Variants in DEK observed in about 807,000 individuals in gnomAD.
DEK encodes protein DEK.
DEK carries 28 observed loss-of-function variants against 46.8 expected under a neutral mutation model. The ratio of observed to expected loss-of-function variants is 0.60; its 90% CI spans 0.44 to 0.82. DEK has a LOEUF of 0.82. Among genes scored for constraint, DEK ranks in the 40% least tolerant of loss-of-function variants. DEK has a pLI of 0.00. For synonymous variants in DEK, 160 were observed against 144.5 expected, an observed-to-expected ratio of 1.11 and a Z score of -0.77; for missense variants, 416 against 430.6, an observed-to-expected ratio of 0.97 and a Z score of 0.30.
chr6:18,236,875 A>G (rs956851765), intron 8 of DEK, among the ~76,000 whole-genome samples: 2 of 152,116 alleles, frequency 1.3e-5, no homozygotes, highest in African/African-American at 4.8e-5. Context: ...CAGAGCACCA[A>G]CATGACACCA....
intron 7 of DEK, among the ~76,000 whole-genome samples, chr6:18,240,922 G>A (rs1790865183): frequency 6.6e-6 from 1 of 152,140 alleles, no homozygotes; most frequent in African/African-American, 2.4e-5. Context: ...CTACATTATA[G>A]TAGATACGAC....
At chr6:18,241,174 G>C (rs1356873493) in intron 7 of DEK, among the ~76,000 whole-genome samples, 1 of 152,080 alleles carries the variant, frequency 6.6e-6, no homozygotes, top group Non-Finnish European at 1.5e-5. Flanking sequence ...AAGGTTATTA[G>C]GTATAGGAGG....
chr6:18,227,822 T>C (rs1405446106), intron 9 of DEK, among the ~76,000 whole-genome samples: 1 of 152,196 alleles, frequency 6.6e-6, no homozygotes, highest in African/African-American at 2.4e-5. Context: ...AAGTGTCTTT[T>C]AGGGAAAACT....
intron 1 of DEK, 92 bp from the exon 2 acceptor site, chr6:18,264,088 G>A (rs1366400570): frequency 2.0e-5 from 24 of 1,208,512 alleles, no homozygotes; most frequent in Admixed American, 6.4e-5. Flanking sequence ...CCTTCCCGCG[G>A]GACACCTGCC....
intron 2 of DEK, among the ~76,000 whole-genome samples, chr6:18,259,158 C>G (rs576844817): frequency 6.6e-6 from 1 of 151,398 alleles, no homozygotes; most frequent in Non-Finnish European, 1.5e-5. Flanking sequence ...GTCAGGAGAT[C>G]GAGACCATCC....
intron 9 of DEK, among the ~76,000 whole-genome samples, chr6:18,233,170 C>T (rs537940138): frequency 2.0e-4 from 31 of 152,282 alleles, no homozygotes; most frequent in African/African-American, 7.2e-4. Context: ...GAAACTGGAT[C>T]GCTTCTTTAC....
chr6:18,228,497 A>C (rs1246792513), intron 9 of DEK, among the ~76,000 whole-genome samples: 1 of 152,006 alleles, frequency 6.6e-6, no homozygotes, highest in Non-Finnish European at 1.5e-5. Flanking sequence ...TACCAGGTTC[A>C]TCTCACTGGG....
In DEK at chr6:18,224,943, G is replaced by T; in HGVS notation, c.*776C>A. 1 of 214,782 alleles carries T rather than the reference G, an allele frequency of 4.7e-6. No homozygotes were observed. Among genetic ancestry groups the T allele is most frequent in the Non-Finnish European group, 9.4e-6 (1 of 106,082 alleles). 13.3% of individuals were successfully genotyped at this position (214,782 alleles called of 1,614,324 possible). A position where few individuals can be genotyped will look rare whatever the true frequency, so the allele number is the denominator to read the frequency against. ...AAAATTACAAATTGATGACACTTTCGAGGCAAAGCAGGGTAACTGTTCCTT... is the reference window on the plus strand; with the variant it reads ...AAAATTACAAATTGATGACACTTTCTAGGCAAAGCAGGGTAACTGTTCCTT... On this transcript the variant is annotated 3_prime_UTR_variant, in exon 11 of 11. Coordinates refer to ENST00000652689, the MANE Select transcript of DEK (RefSeq NM_003472.4).
At chr6:18,249,457 T>C (rs1791268610) in intron 7 of DEK, among the ~76,000 whole-genome samples, 194 bp downstream of exon 7, 1 of 152,218 alleles carries the variant, frequency 6.6e-6, no homozygotes, top group Non-Finnish European at 1.5e-5. Context: ...CACTCTTTTC[T>C]GACTCATACT....
Position 18,255,725 on chromosome 6 carries a change from C to T in DEK, c.573+6G>A, listed in dbSNP as rs764895448. 1.3e-6 allele frequency: 2 copies of T among 1,583,700 alleles called. No homozygotes were observed. Among genetic ancestry groups the T allele is most frequent in the East Asian group, 2.3e-5 (1 of 44,370 alleles). Reference sequence around the variant, plus strand: ...ATTTATGAAAAAAATAAAAATTGATCCTCACTTTGCCAGAAGGCTTTGGAT... The same window carrying T: ...ATTTATGAAAAAAATAAAAATTGATTCTCACTTTGCCAGAAGGCTTTGGAT... On this transcript the variant is annotated splice_donor_region_variant and intron_variant, in intron 6 of 10. Transcript: ENST00000652689.
At chr6:18,244,873 A>G (rs1328653359) in intron 7 of DEK, among the ~76,000 whole-genome samples, 2 of 152,236 alleles carry the variant, frequency 1.3e-5, no homozygotes, top group African/African-American at 2.4e-5. Flanking sequence ...CTAAAACACA[A>G]TGTGAAAGGA....
intron 7 of DEK, among the ~76,000 whole-genome samples, chr6:18,243,958 C>T (rs534908988): frequency 2.6e-5 from 4 of 152,204 alleles, no homozygotes; most frequent in East Asian, 1.9e-4. Context: ...CAGAGTAAGA[C>T]GTACGACTCT....
At chr6:18,256,549 C>G (rs1394988626) in intron 4 of DEK, 94 bp from the exon 5 acceptor site, 2 of 1,001,674 alleles carry the variant, frequency 2.0e-6, no homozygotes, top group Non-Finnish European at 3.0e-6. Context: ...TCTTTATTTT[C>G]ATACCTGTCT....
At position 18,247,695 on chromosome 6, in the gene DEK, C is replaced by A. The variant is rs767216204; in HGVS notation, c.762+1956G>T. ...ATGCTCTCGTTTTTTTTTTTTGAGA[C>A]GGAGTTTCGCTCGTTGCTCAGGCTG... On this transcript the variant is annotated intron_variant, in intron 7 of 10. Coordinates refer to ENST00000652689, the MANE Select transcript of DEK (RefSeq NM_003472.4). 1.4e-3 allele frequency among the ~76,000 whole-genome samples: 212 copies of A among 150,440 alleles called. 1 individual carries two copies. The highest frequency in any genetic ancestry group is 4.8e-3 in the African/African-American group (197 of 40,956).
chr6:18,244,759 ATGG>A (rs1375063439), intron 7 of DEK, among the ~76,000 whole-genome samples: 1 of 152,226 alleles, frequency 6.6e-6, no homozygotes, highest in Non-Finnish European at 1.5e-5. Context: ...GGGTTTTAGT[ATGG>A]TGATTATTCA....
At chr6:18,227,034 G>A (rs148396851) in intron 9 of DEK, among the ~76,000 whole-genome samples, 60 of 152,242 alleles carry the variant, frequency 3.9e-4, no homozygotes, top group African/African-American at 1.3e-3. Flanking sequence ...CAAACACCGC[G>A]GAAGGCTGCA....
chr6:18,251,836 G>C (rs577057532), intron 6 of DEK, among the ~76,000 whole-genome samples: 5 of 151,858 alleles, frequency 3.3e-5, no homozygotes, highest in Non-Finnish European at 7.3e-5. Context: ...TCTGTATATC[G>C]AATTATTAGT....
At chr6:18,236,636 T>C (rs1790661835) in intron 8 of DEK, 36 bp from the exon 9 acceptor site, 4 of 1,314,122 alleles carry the variant, frequency 3.0e-6, no homozygotes, top group South Asian at 1.7e-5. Flanking sequence ...TTTTCTTACA[T>C]AGTAAATTAA....
At chr6:18,236,016 T>G (rs1434404425) in intron 9 of DEK, among the ~76,000 whole-genome samples, 1 of 152,214 alleles carries the variant, frequency 6.6e-6, no homozygotes, top group Non-Finnish European at 1.5e-5. Context: ...TCCTGAGAAG[T>G]ATTAGAAATA....
Sources: allele counts gnomAD v4.1 joint callset (sites outside exome capture counted in the v4.1 genomes callset), GRCh38; gene constraint gnomAD v4.1.1; transcripts MANE v1.5; gene names NCBI Gene and HGNC (gene_info 2026-07-23, HGNC 2026-07-21).